Variants in JAKMIP3 observed in about 807,000 individuals in gnomAD.
The protein encoded by JAKMIP3 is janus kinase and microtubule-interacting protein 3.
In JAKMIP3, 58 loss-of-function variants were observed where a neutral mutation model predicts 118.5. That is an observed-to-expected ratio of 0.49 (90% confidence interval 0.40 to 0.61). JAKMIP3 has a LOEUF of 0.61. Ranked by LOEUF, JAKMIP3 falls within the 20% of genes least tolerant of loss-of-function variation. The pLI is 0.00. For missense variants in JAKMIP3, 950 were observed against 1,109.0 expected (o/e 0.86, Z 2.04); for synonymous variants, 486 against 451.2 (o/e 1.08, Z -0.98).
Position 132,133,457 on chromosome 10 carries a change from C to T in JAKMIP3, c.779C>T (p.Pro260Leu), listed in dbSNP as rs374372503. The T allele has an allele frequency of 3.0e-4, 476 of 1,585,966 alleles. 2 individuals are homozygous for T. The South Asian group carries it at 4.5e-3, about 15-fold the overall frequency. ...CAGGTCCGAGAGGCCGACCGGCACC[C>T]GGGCAGCCCCAGACGGGAACTTCCT... ...LSQVREADRHPGSPRRELPHA... is the reference protein window; with the variant it reads ...LSQVREADRHLGSPRRELPHA... The change falls in exon 4 of 24, where the codon CCG (proline) becomes CTG (leucine). Residue 260 changes from proline (P) to leucine (L), a missense_variant. Physicochemically the swap from Pro to Leu is moderately conservative, Grantham distance 98. Transcript: ENST00000684848.
chr10:132,170,171 CAG>C (rs2059345993), intron 23 of JAKMIP3: 2 of 152,342 alleles, frequency 1.3e-5, no homozygotes, highest in South Asian at 4.1e-4. Flanking sequence ...GCCGAGTCCC[CAG>C]AGACTTCTGG....
chr10:132,040,189 GC>G (rs1223603874), intron 1 of JAKMIP3, among the ~76,000 whole-genome samples: 2 of 152,170 alleles, frequency 1.3e-5, no homozygotes, highest in Non-Finnish European at 1.5e-5. Flanking sequence ...TGGGATGGGT[GC>G]CCTTACAAGA....
chr10:132,042,925 C>CA (rs781693693), intron 1 of JAKMIP3, among the ~76,000 whole-genome samples: 47 of 27,646 alleles, frequency 1.7e-3, no homozygotes, highest in Non-Finnish European at 1.4e-3. Flanking sequence ...CCCCATGTCT[C>CA]AAAAAAAAAA....
At chr10:132,036,773 G>A (rs1393013671) in intron 1 of JAKMIP3, among the ~76,000 whole-genome samples, 1 of 151,430 alleles carries the variant, frequency 6.6e-6, no homozygotes, top group Non-Finnish European at 1.5e-5. Flanking sequence ...GCGACCGGGG[G>A]CCGGGCCTCT....
rs1473842659 is a variant in JAKMIP3, at chr10:132,044,388, A to G, written c.-138+7650A>G. Among the ~76,000 whole-genome samples the G allele has an allele frequency of 3.3e-5, 5 of 152,232 alleles. No homozygotes were observed. The South Asian group carries it at 6.2e-4, about 19-fold the overall frequency. Reference sequence around the variant, plus strand: ...CAAACAGGTCATCTTAGCAGTGACCACTGCCACCAACGAGTTGTCACAATT... The same window carrying G: ...CAAACAGGTCATCTTAGCAGTGACCGCTGCCACCAACGAGTTGTCACAATT... On this transcript the variant is annotated intron_variant, in intron 1 of 23. Transcript: ENST00000657785. The surrounding 1 kb of genome is among the most constrained non-coding windows in gnomAD (Gnocchi z 5.3).
At chr10:132,180,672 T>TGTGTGC (rs2061017143) in intron 23 of JAKMIP3, among the ~76,000 whole-genome samples, 1 of 31,042 alleles carries the variant, frequency 3.2e-5, no homozygotes, top group African/African-American at 1.2e-4. Context: ...TGTGCGTGTG[T>TGTGTGC]GTGCGCGCGC....
chr10:132,142,355 T>C (rs114058092), intron 11 of JAKMIP3, among the ~76,000 whole-genome samples: 1,577 of 152,304 alleles, frequency 0.01, 30 homozygotes, highest in African/African-American at 0.036. Flanking sequence ...AGGGTGGGCC[T>C]CCTTCCAGAC....
intron 23 of JAKMIP3, among the ~76,000 whole-genome samples, chr10:132,180,709 G>A (rs1191439469): frequency 1.1e-4 from 3 of 26,668 alleles, no homozygotes; most frequent in African/African-American, 4.4e-4. Context: ...GTGTGTGTGC[G>A]CGTGTGTGTG....
chr10:132,088,526 T>A (rs1276115068), intron 1 of JAKMIP3, among the ~76,000 whole-genome samples: 1 of 152,270 alleles, frequency 6.6e-6, no homozygotes, highest in Non-Finnish European at 1.5e-5. Flanking sequence ...TGTCTGTTCA[T>A]ATCCTTCACC....
chr10:132,084,203 A>G (rs1050365468), intron 1 of JAKMIP3, among the ~76,000 whole-genome samples: 1 of 152,090 alleles, frequency 6.6e-6, no homozygotes, highest in Non-Finnish European at 1.5e-5. Flanking sequence ...TGTGTTATCT[A>G]TGATTTCTTT....
rs149702902 is a variant in JAKMIP3 at position 132,135,254 on chromosome 10, G to A, written c.969+94G>A. On this transcript the variant is annotated intron_variant, in intron 5 of 23. Transcript: ENST00000684848. ...CCACTTTCAAAATTCCTTGCGTAAA[G>A]GAGTGGTGGTTGCAAGGACCGGCCT... is the stretch of plus-strand genomic sequence containing the variant. 8.3e-4 allele frequency: 1,083 copies of A among 1,311,630 alleles called. 5 individuals are homozygous for A. In the African/African-American group the frequency reaches 0.013, roughly 16 times the overall value. The allele number at this position is 1,311,630 out of a possible 1,614,324, so 81.2% of individuals were successfully genotyped here. A position where few individuals can be genotyped will look rare whatever the true frequency, so the allele number is the denominator to read the frequency against.
chr10:132,164,545 C>T (rs1027703794), intron 20 of JAKMIP3, 125 bp from the exon 21 acceptor site: 6 of 671,462 alleles, frequency 8.9e-6, no homozygotes, highest in African/African-American at 3.6e-5. Context: ...TCAGGAGCCA[C>T]GGGCCATGGC....
At chr10:132,159,608 GTGATGCTGGGGGTCCTCTTCCTT>G in intron 19 of JAKMIP3, among the ~76,000 whole-genome samples, 2 of 98,928 alleles carry the variant, frequency 2.0e-5, no homozygotes, top group African/African-American at 7.8e-5. Context: ...GTCTTCCTAT[GTGATGCTGGGGGTCCTCTTCCTT>G]TGTGATGCTG....
intron 1 of JAKMIP3, among the ~76,000 whole-genome samples, chr10:132,102,357 G>A (rs576454499): frequency 1.1e-4 from 16 of 152,228 alleles, no homozygotes; most frequent in African/African-American, 2.4e-4. Context: ...CCTCAGCCCC[G>A]TCCATGGGTC....
intron 2 of JAKMIP3, among the ~76,000 whole-genome samples, chr10:132,110,601 G>A (rs919239663): frequency 6.6e-6 from 1 of 152,246 alleles, no homozygotes; most frequent in African/African-American, 2.4e-5. Flanking sequence ...GTGATTTTCA[G>A]GGTAAAGAAG....
At chr10:132,155,841 G>C (rs1039189683) in intron 19 of JAKMIP3, among the ~76,000 whole-genome samples, 3 of 152,188 alleles carry the variant, frequency 2.0e-5, no homozygotes, top group African/African-American at 7.2e-5. Flanking sequence ...TGAGTACTGA[G>C]AGCCAGCCCC....
upstream of JAKMIP3, among the ~76,000 whole-genome samples, chr10:132,061,888 A>G (rs1263572777): frequency 6.6e-6 from 1 of 152,278 alleles, no homozygotes; most frequent in Non-Finnish European, 1.5e-5. Flanking sequence ...GGAAGGCAAC[A>G]TAAAAACTGC....
chr10:132,078,712 A>G (rs2041268905), intron 1 of JAKMIP3, among the ~76,000 whole-genome samples: 1 of 152,118 alleles, frequency 6.6e-6, no homozygotes, highest in African/African-American at 2.4e-5. Context: ...CAGTTGGGTA[A>G]AACTGCATTA....
At chr10:132,154,125 C>A in intron 19 of JAKMIP3, 135 bp downstream of exon 19, 2 of 696,976 alleles carry the variant, frequency 2.9e-6, no homozygotes, top group South Asian at 3.6e-5. Context: ...CTAATGACAC[C>A]TGCACAGCAG....
Sources: allele counts gnomAD v4.1 joint callset (sites outside exome capture counted in the v4.1 genomes callset), GRCh38; gene constraint gnomAD v4.1.1; non-coding constraint Gnocchi (gnomAD v3.1); transcripts MANE v1.5; gene names NCBI Gene and HGNC (gene_info 2026-07-23, HGNC 2026-07-21).